UBE2E1: variants seen among roughly 807,000 people sequenced by gnomAD.
The protein encoded by UBE2E1 is ubiquitin conjugating enzyme E2 E1.
In UBE2E1, 6 loss-of-function variants were observed where a neutral mutation model predicts 21.4. That is an observed-to-expected ratio of 0.28 (90% CI 0.15 to 0.55). The LOEUF (loss-of-function observed/expected upper bound fraction) is 0.55. UBE2E1 is among the 20% of genes least tolerant of loss of function. The probability of loss-of-function intolerance (pLI) is 0.93; values close to 1 mark genes in which losing one functional copy is unlikely to be tolerated. For synonymous variants in UBE2E1, 87 were observed against 82.7 expected (o/e 1.05, Z -0.28); for missense variants, 142 against 236.5 (o/e 0.60, Z 2.62).
At chr3:23,824,946 C>T (rs755646139) in intron 3 of UBE2E1, among the ~76,000 whole-genome samples, 18 of 152,146 alleles carry the variant, frequency 1.2e-4, no homozygotes, top group Non-Finnish European at 1.6e-4. Flanking sequence ...TTTGTGTACC[C>T]AGACTGTATA....
rs1444374332 is a variant in UBE2E1, at chr3:23,863,479, C to G, written c.204-24088C>G. 6.6e-6 allele frequency among the ~76,000 whole-genome samples: 1 copy of G among 152,134 alleles called. No homozygotes were observed. The highest frequency in any genetic ancestry group is 1.5e-5 in the Non-Finnish European group (1 of 68,026). On this transcript the variant is annotated intron_variant, in intron 3 of 5. Transcript: ENST00000306627. The surrounding 1 kb of genome is among the most constrained non-coding windows in gnomAD (Gnocchi z 4.3). ...CAACCCCAGATGCCTTCACAATTAT[C>G]TAAAAGTCCTCAAAAGACATTCAGA... is the stretch of plus-strand genomic sequence containing the variant.
chr3:23,812,065 T>C (rs952031142), intron 3 of UBE2E1, among the ~76,000 whole-genome samples: 1 of 152,176 alleles, frequency 6.6e-6, no homozygotes, highest in Non-Finnish European at 1.5e-5. Flanking sequence ...TTTTTTCACT[T>C]GCTTTATTCA....
At chr3:23,858,831 T>TG (rs1700494448) in intron 3 of UBE2E1, among the ~76,000 whole-genome samples, 1 of 152,192 alleles carries the variant, frequency 6.6e-6, no homozygotes, top group Non-Finnish European at 1.5e-5. Flanking sequence ...GCTTGAAAGC[T>TG]GGCATGCTAT....
chr3:23,836,006 AG>A lies in UBE2E1; in HGVS notation c.203+24497del, dbSNP rs1699968051. Among the ~76,000 whole-genome samples the A allele has an allele frequency of 6.6e-6, 1 of 152,180 alleles. No homozygotes were observed. The highest frequency in any genetic ancestry group is 6.5e-5 in the Admixed American group (1 of 15,280). On this transcript the variant is annotated intron_variant, in intron 3 of 5. Transcript: ENST00000306627. This position sits in a 1 kb window ranked among gnomAD's most constrained non-coding sequence, Gnocchi z 4.1. ...TTTTCAGCTGCTGCTTTTATGATCT[AG>A]TTTATGGCACAGATAAGATATATAT...
chr3:23,871,205 A>AC (rs1700777638), intron 3 of UBE2E1, among the ~76,000 whole-genome samples: 2 of 150,806 alleles, frequency 1.3e-5, no homozygotes, highest in African/African-American at 4.9e-5. Context: ...CACCTCCCAG[A>AC]CGGGGTGGTG....
chr3:23,861,724 G>A (rs1364094262), intron 3 of UBE2E1, among the ~76,000 whole-genome samples: 1 of 152,224 alleles, frequency 6.6e-6, no homozygotes. Context: ...ATCGACTGGT[G>A]GAATGACACA....
At chr3:23,883,633 C>G (rs1401149637) in intron 3 of UBE2E1, among the ~76,000 whole-genome samples, 3 of 152,116 alleles carry the variant, frequency 2.0e-5, no homozygotes, top group African/African-American at 7.2e-5. Flanking sequence ...ACTTGATATT[C>G]AGGGCTGAGC....
intron 3 of UBE2E1, among the ~76,000 whole-genome samples, chr3:23,845,613 G>GTGTGTGTGTGTGTGTGTGTA (rs1413363695): frequency 6.6e-6 from 1 of 150,946 alleles, no homozygotes. Context: ...GTGTGTGTGT[G>GTGTGTGTGTGTGTGTGTGTA]TGTATGTGTG....
At chr3:23,807,604 T>C in intron 2 of UBE2E1, 183 bp downstream of exon 2, 1 of 665,830 alleles carries the variant, frequency 1.5e-6, no homozygotes, top group African/African-American at 1.8e-5. Context: ...TTTAAATCAT[T>C]GCTCACATGC....
intron 3 of UBE2E1, among the ~76,000 whole-genome samples, chr3:23,833,211 T>G (rs777814630): frequency 3.9e-5 from 6 of 152,172 alleles, no homozygotes; most frequent in Non-Finnish European, 8.8e-5. Context: ...CAGTAGAGTA[T>G]AAAATGGAGA....
intron 5 of UBE2E1, 59 bp from the exon 6 acceptor site, chr3:23,890,450 G>A (rs1158130725): frequency 9.7e-6 from 15 of 1,548,770 alleles, no homozygotes; most frequent in African/African-American, 2.7e-5. Context: ...GTCACTATTC[G>A]CTAAAGTTTA....
intron 3 of UBE2E1, among the ~76,000 whole-genome samples, chr3:23,884,234 TA>T (rs1701124212): frequency 6.6e-6 from 1 of 151,928 alleles, no homozygotes; most frequent in African/African-American, 2.4e-5. Context: ...GCAAACAGAT[TA>T]GAGAGATAGC....
intron 3 of UBE2E1, among the ~76,000 whole-genome samples, chr3:23,829,142 T>C (rs1234162049): frequency 1.4e-5 from 2 of 142,332 alleles, no homozygotes; most frequent in Non-Finnish European, 3.0e-5. Flanking sequence ...ATTATTATTA[T>C]TATTATTTTG....
chr3:23,810,582 C>A lies in UBE2E1; in HGVS notation c.153-878C>A. The A allele has an allele frequency of 6.7e-7, 1 of 1,492,568 alleles. No individual in the cohort carries two copies. Among genetic ancestry groups the A allele is most frequent in the South Asian group, 1.3e-5 (1 of 79,656 alleles). The allele number at this position is 1,492,568 out of a possible 1,614,324, so 92.5% of individuals were successfully genotyped here. A position where few individuals can be genotyped will look rare whatever the true frequency, so the allele number is the denominator to read the frequency against. ...CCAGCGTGCGGGGCGGAGGCAGGGT[C>A]CGGTGCACCTGTGCGGCCGCGGGCC... On this transcript the variant is annotated intron_variant, in intron 2 of 5. Transcript: ENST00000306627. The surrounding 1 kb of genome is among the most constrained non-coding windows in gnomAD (Gnocchi z 5.8).
intron 3 of UBE2E1, among the ~76,000 whole-genome samples, chr3:23,833,446 C>G (rs1699910005): frequency 6.6e-6 from 1 of 152,116 alleles, no homozygotes; most frequent in African/African-American, 2.4e-5. Flanking sequence ...AATTGTTTTT[C>G]CCTATTTTTA....
intron 3 of UBE2E1, among the ~76,000 whole-genome samples, chr3:23,841,363 GT>G (rs1019433493): frequency 6.1e-5 from 9 of 148,550 alleles, no homozygotes; most frequent in Admixed American, 1.3e-4. Context: ...TTGTTTTAGG[GT>G]TTTTTTTTTA....
At chr3:23,856,303 C>T (rs1700435249) in intron 3 of UBE2E1, among the ~76,000 whole-genome samples, 1 of 152,202 alleles carries the variant, frequency 6.6e-6, no homozygotes, top group Non-Finnish European at 1.5e-5. Flanking sequence ...GCTGGGATTA[C>T]AGGCATGAGC....
In UBE2E1 at chr3:23,807,063, A is replaced by G. The variant is rs2125277088; in HGVS notation, c.-33-174A>G. ...CCCCACTTGGGGCCAAAAATAAACA[A>G]GCCGCGTCCGATTTGCAAAAGCCTT... On this transcript the variant is annotated intron_variant, in intron 1 of 5. Coordinates refer to ENST00000306627, the MANE Select transcript of UBE2E1 (RefSeq NM_003341.5). The G allele has an allele frequency of 8.0e-6, 4 of 498,716 alleles. No individual in the cohort carries two copies. The South Asian group carries it at 1.1e-4, about 14-fold the overall frequency. 30.9% of individuals were successfully genotyped at this position (498,716 alleles called of 1,614,324 possible).
chr3:23,855,751 A>G (rs1559486244), intron 3 of UBE2E1, among the ~76,000 whole-genome samples: 1 of 151,934 alleles, frequency 6.6e-6, no homozygotes, highest in Non-Finnish European at 1.5e-5. Flanking sequence ...AATGGCGTGA[A>G]CCCGGGAGGC....
Sources: allele counts gnomAD v4.1 joint callset (sites outside exome capture counted in the v4.1 genomes callset), GRCh38; gene constraint gnomAD v4.1.1; non-coding constraint Gnocchi (gnomAD v3.1); transcripts MANE v1.5; gene names NCBI Gene and HGNC (gene_info 2026-07-23, HGNC 2026-07-21).